The following HHIPL1 variants were observed in gnomAD, a reference collection of about 807,000 sequenced individuals.
The protein encoded by HHIPL1 is HHIP like 1, also known as HHIP-like protein 1.
A neutral mutation model predicts 61.8 loss-of-function variants in HHIPL1; 43 were observed. The ratio of observed to expected loss-of-function variants is 0.70; its 90% CI spans 0.55 to 0.90. The LOEUF is 0.90. Among genes scored for constraint, HHIPL1 ranks in the 40% least tolerant of loss-of-function variants. The pLI, the probability that HHIPL1 is intolerant of heterozygous loss-of-function variation, is 0.00. For missense variants in HHIPL1, 1,056 were observed against 1,157.7 expected (o/e 0.91, Z 1.28); for synonymous variants, 482 against 515.8 (o/e 0.93, Z 0.89).
At chr14:99,631,428 A>G in the HHIPL1 span, among the ~76,000 whole-genome samples, 3 of 151,962 alleles carry the variant, frequency 2.0e-5, no homozygotes, top group Non-Finnish European at 4.4e-5. Flanking sequence ...GCTTCCACAT[A>G]TGAACTTGGG....
the HHIPL1 span, among the ~76,000 whole-genome samples, chr14:99,613,139 G>A: frequency 4.9e-3 from 744 of 152,166 alleles, 9 homozygotes; most frequent in African/African-American, 0.017. Context: ...TGCCCTGGGC[G>A]AGGCTGGCCT....
chr14:99,637,098 AGG>A, the HHIPL1 span, among the ~76,000 whole-genome samples: 2,601 of 134,226 alleles, frequency 0.019, 248 homozygotes, highest in African/African-American at 0.069. Context: ...GAAAGAAGGA[AGG>A]AAAAAAGAAA....
intron 1 of HHIPL1, among the ~76,000 whole-genome samples, chr14:99,648,166 C>A (rs1159473170): frequency 6.6e-6 from 1 of 152,182 alleles, no homozygotes; most frequent in African/African-American, 2.4e-5. Flanking sequence ...CTGACACACA[C>A]AGGAAGGTGC....
Position 99,672,348 on chromosome 14 carries a change from C to T in HHIPL1, c.1762C>T (p.Pro588Ser), listed in dbSNP as rs376275382. 19 of 1,551,124 alleles carry T rather than the reference C, an allele frequency of 1.2e-5. No individual in the cohort carries two copies. Among genetic ancestry groups the T allele is most frequent in the Non-Finnish European group, 1.5e-5 (17 of 1,146,932 alleles). ...RAPPGKCQIQ[P>S]AQVKIRSRLI... ...ACCACCTGGCAAATGTCAGATCCAG[C>T]CTGCTCAGGTGAAGATCAGAAGCCG... Residue 588 changes from proline (P) to serine (S), a missense_variant, in exon 8 of 9, where the codon CCT becomes TCT. Pro to Ser is a moderately conservative substitution (Grantham distance 74, BLOSUM62 -1). Transcript: ENST00000330710.
At chr14:99,605,526 T>C in the HHIPL1 span, among the ~76,000 whole-genome samples, 1 of 152,196 alleles carries the variant, frequency 6.6e-6, no homozygotes, top group Non-Finnish European at 1.5e-5. Flanking sequence ...TTCAGCTGTG[T>C]ACTCAGCGCC....
chr14:99,651,520 G>A (rs956846020), intron 1 of HHIPL1, among the ~76,000 whole-genome samples: 2 of 152,176 alleles, frequency 1.3e-5, no homozygotes, highest in African/African-American at 4.8e-5. Flanking sequence ...TCGCTCTACA[G>A]TACCAAGGGG....
the HHIPL1 span, among the ~76,000 whole-genome samples, chr14:99,629,781 G>A: frequency 1.3e-5 from 2 of 152,340 alleles, no homozygotes; most frequent in Admixed American, 6.5e-5. Flanking sequence ...GGGATTACAG[G>A]CGTAAGCCAC....
chr14:99,628,374 G>C, the HHIPL1 span, among the ~76,000 whole-genome samples: 1 of 152,134 alleles, frequency 6.6e-6, no homozygotes, highest in Non-Finnish European at 1.5e-5. Context: ...GAGGTCAGGA[G>C]TTCGAGACCA....
the HHIPL1 span, among the ~76,000 whole-genome samples, chr14:99,637,200 GGAAGAAAGA>G: frequency 0.011 from 1,094 of 104,030 alleles, 10 homozygotes; most frequent in Non-Finnish European, 0.013. Context: ...AAGAAAGAAA[GGAAGAAAGA>G]AAGAAAGAAA....
At chr14:99,654,553 C>T (rs1351041656) in intron 2 of HHIPL1, among the ~76,000 whole-genome samples, 4 of 152,200 alleles carry the variant, frequency 2.6e-5, no homozygotes, top group African/African-American at 4.8e-5. Context: ...TAGGAGCTGA[C>T]CCCCTGCAGT....
At chr14:99,648,983 G>T (rs753790895) in intron 1 of HHIPL1, among the ~76,000 whole-genome samples, 1 of 152,186 alleles carries the variant, frequency 6.6e-6, no homozygotes, top group African/African-American at 2.4e-5. Flanking sequence ...TGAAGCCTGC[G>T]ATACTGGGCT....
At position 99,659,543 on chromosome 14, in the gene HHIPL1, G is replaced by T. The variant is rs1293428494; in HGVS notation, c.1162G>T (p.Val388Phe). 3 of 1,547,252 alleles carry T rather than the reference G, an allele frequency of 1.9e-6. No individual in the cohort carries two copies. Among genetic ancestry groups the T allele is most frequent in the Non-Finnish European group, 2.6e-6 (3 of 1,150,282 alleles). The change falls in exon 4 of 9, where the codon GTC (valine) becomes TTC (phenylalanine). Residue 388 changes from valine to phenylalanine, a missense_variant. By Grantham distance (50) the Val-to-Phe change is conservative. Coordinates refer to ENST00000330710, the MANE Select transcript of HHIPL1 (RefSeq NM_001127258.3). ...GGGCGACCCCGCGGCGCAGCCCGAG[G>T]TCTACGCCCTGGGCGTGCGCAACAT... ...FVGDPAAQPEVYALGVRNMWR... is the reference protein window; with the variant it reads ...FVGDPAAQPEFYALGVRNMWR...
the HHIPL1 span, among the ~76,000 whole-genome samples, chr14:99,626,309 G>A: frequency 2.7e-5 from 4 of 150,234 alleles, no homozygotes; most frequent in South Asian, 2.1e-4. Flanking sequence ...TGTGATCCTC[G>A]GGGCTCTGAG....
intron 7 of HHIPL1, chr14:99,669,127 G>T (rs930916877): frequency 3.6e-6 from 5 of 1,397,566 alleles, no homozygotes; most frequent in Admixed American, 5.9e-5. Flanking sequence ...GTAATCCCTG[G>T]GCTACACGAC....
chr14:99,628,581 CAAAAAAA>C, the HHIPL1 span, among the ~76,000 whole-genome samples: 3 of 53,606 alleles, frequency 5.6e-5, no homozygotes, highest in Non-Finnish European at 1.3e-4. Flanking sequence ...AACTCCAACT[CAAAAAAA>C]AAAAAAAAGA....
chr14:99,620,797 G>A, the HHIPL1 span, among the ~76,000 whole-genome samples: 1 of 152,240 alleles, frequency 6.6e-6, no homozygotes, highest in Non-Finnish European at 1.5e-5. Flanking sequence ...CTCTGGGCAG[G>A]GCCCATCTCT....
chr14:99,663,123 G>A, intron 6 of HHIPL1, 102 bp downstream of exon 6: 1 of 1,178,314 alleles, frequency 8.5e-7, no homozygotes, highest in East Asian at 2.6e-5. Context: ...GGACCACACA[G>A]GCCTGAAATT....
chr14:99,607,603 G>T, the HHIPL1 span, among the ~76,000 whole-genome samples: 8 of 152,184 alleles, frequency 5.3e-5, no homozygotes, highest in South Asian at 1.2e-3. Context: ...TAGGGCCTGT[G>T]GGGGGAGTAC....
chr14:99,605,481 A>T, the HHIPL1 span, among the ~76,000 whole-genome samples: 1 of 152,046 alleles, frequency 6.6e-6, no homozygotes, highest in South Asian at 2.1e-4. Flanking sequence ...CCCGCGCAGC[A>T]GCTGATGCCC....
Sources: gnomAD v4.1 joint callset for allele counts (sites outside exome capture counted in the v4.1 genomes callset) on GRCh38, gnomAD v4.1.1 for gene constraint, MANE v1.5 for transcripts, NCBI Gene and HGNC (gene_info 2026-07-23, HGNC 2026-07-21) for gene names.